The following SATB1 variants were observed in gnomAD, a reference collection of about 807,000 sequenced individuals.
SATB1 encodes DNA-binding protein SATB1.
SATB1 carries 11 observed loss-of-function variants against 86.9 expected under a neutral mutation model. The ratio of observed to expected loss-of-function variants is 0.13; its 90% CI spans 0.08 to 0.21. SATB1 has a LOEUF of 0.21. Among genes scored for constraint, SATB1 ranks in the 10% least tolerant of loss-of-function variants. The pLI is 1.00. For missense variants in SATB1, 551 were observed against 937.6 expected, an observed-to-expected ratio of 0.59 and a Z score of 5.39; for synonymous variants, 357 against 357.2, an observed-to-expected ratio of 1.00 and a Z score of 0.01.
intron 3 of SATB1, among the ~76,000 whole-genome samples, 159 bp from the exon 4 acceptor site, chr3:18,416,292 T>C (rs750640906): frequency 2.0e-5 from 3 of 152,056 alleles, no homozygotes; most frequent in Non-Finnish European, 2.9e-5. Flanking sequence ...TCAATGAAAA[T>C]ATTCACAGCT....
At chr3:18,375,905 C>T (rs558983206) in intron 9 of SATB1, among the ~76,000 whole-genome samples, 1 of 152,226 alleles carries the variant, frequency 6.6e-6, no homozygotes, top group East Asian at 1.9e-4. Flanking sequence ...TAATAGTTTG[C>T]TTGACTCCCA....
chr3:18,377,405 G>C (rs1559413742), intron 9 of SATB1, among the ~76,000 whole-genome samples: 1 of 151,994 alleles, frequency 6.6e-6, no homozygotes, highest in African/African-American at 2.4e-5. Flanking sequence ...TTTGGAGAAG[G>C]GTTTATAGAT....
Position 18,352,023 on chromosome 3 carries a change from T to A in SATB1, c.1748A>T (p.His583Leu). The A allele has an allele frequency of 3.7e-6, 6 of 1,614,224 alleles. No individual in the cohort carries two copies. Among genetic ancestry groups the A allele is most frequent in the Non-Finnish European group, 5.1e-6 (6 of 1,180,030 alleles). ...CTGCTCTGCTGGAACATGGATAATG[T>A]GGGGCGGCCTGTCGCCATGGTGATG... The part of the protein sequence containing the change: ...AVHHHGDRPP[H>L]IIHVPAEQIQ... The change falls in exon 10 of 11, where the codon CAC becomes CTC. Residue 583 changes from histidine to leucine, a missense_variant. By Grantham distance (99) the His-to-Leu change is moderately conservative. Around this residue, in one of 8 missense-constraint regions of SATB1, gnomAD observed 87 missense variants for 103.6 expected, o/e 0.84. Transcript: ENST00000338745. The surrounding 1 kb of genome is among the most constrained non-coding windows in gnomAD (Gnocchi z 4.1).
At chr3:18,409,863 C>T (rs1373169632) in intron 5 of SATB1, among the ~76,000 whole-genome samples, 1 of 152,014 alleles carries the variant, frequency 6.6e-6, no homozygotes, top group African/African-American at 2.4e-5. Context: ...TCGTAAAAGA[C>T]CAGTCTGATG....
At chr3:18,436,675 C>A (rs1699072740) in intron 2 of SATB1, 1 of 152,138 alleles carries the variant, frequency 6.6e-6, no homozygotes, top group Admixed American at 6.6e-5. Flanking sequence ...TTTAGCAATT[C>A]TTTAATGAGT....
chr3:18,363,918 G>A (rs1301890267), intron 9 of SATB1, among the ~76,000 whole-genome samples: 1 of 152,162 alleles, frequency 6.6e-6, no homozygotes, highest in African/African-American at 2.4e-5. Context: ...CTACAGCACT[G>A]CATGTGGGCA....
chr3:18,349,209 C>T lies in SATB1; in HGVS notation c.2253G>A (p.Val751=). The T allele has an allele frequency of 1.2e-6, 2 of 1,614,110 alleles. No individual in the cohort carries two copies. Among genetic ancestry groups the T allele is most frequent in the Non-Finnish European group, 1.7e-6 (2 of 1,180,024 alleles). The change falls in exon 11 of 11, where the codon GTG becomes GTA. Residue 751 remains valine, a synonymous_variant. Coordinates refer to ENST00000338745, the MANE Select transcript of SATB1 (RefSeq NM_002971.6). The surrounding 1 kb of genome is among the most constrained non-coding windows in gnomAD (Gnocchi z 5.5). ...CAGTATTAATGTCTGTGTTTCCTTCCACTGACAGCTCTTCTTCTAGTTTCA... is the reference window on the plus strand; with the variant it reads ...CAGTATTAATGTCTGTGTTTCCTTCTACTGACAGCTCTTCTTCTAGTTTCA... ...FSVKLEEELS[V]EGNTDINTDL...
intron 8 of SATB1, among the ~76,000 whole-genome samples, chr3:18,382,351 T>C (rs1014674418): frequency 4.6e-5 from 7 of 152,198 alleles, no homozygotes; most frequent in Non-Finnish European, 7.4e-5. Context: ...TCAGTAATTA[T>C]ATGCTTTCAA....
At chr3:18,436,273 C>T (rs187070420) in intron 2 of SATB1, among the ~76,000 whole-genome samples, 22 of 152,018 alleles carry the variant, frequency 1.4e-4, no homozygotes, top group East Asian at 7.7e-4. Context: ...TAGGAAAGAA[C>T]GCATAGAAGG....
Position 18,352,532 on chromosome 3 carries a change from T to C in SATB1, c.1576-337A>G, listed in dbSNP as rs1694419312. On this transcript the variant is annotated intron_variant, in intron 9 of 10. Transcript: ENST00000338745. This position sits in a 1 kb window ranked among gnomAD's most constrained non-coding sequence, Gnocchi z 4.1. ...GCTTCAGTCTTGCACAACTTTGCTA[T>C]CTGACGAGTGGCTGGCCATCTGAGG... The C allele has an allele frequency of 8.5e-6, 2 of 235,334 alleles. No homozygotes were observed. The highest frequency in any genetic ancestry group is 7.2e-5 in the South Asian group (1 of 13,920). 14.6% of individuals were successfully genotyped at this position (235,334 alleles called of 1,614,324 possible).
intron 2 of SATB1, chr3:18,417,509 T>C (rs1037327324): frequency 1.6e-6 from 1 of 606,260 alleles, no homozygotes; most frequent in Non-Finnish European, 2.9e-6. Flanking sequence ...ATTTTGTTAA[T>C]AATAAACTTT....
chr3:18,416,817 T>C lies in SATB1; in HGVS notation c.388+85A>G. The C allele has an allele frequency of 2.3e-6, 3 of 1,320,936 alleles. 1 individual carries two copies. The highest frequency in any genetic ancestry group is 2.9e-5 in the South Asian group (2 of 69,204). 81.8% of individuals were successfully genotyped at this position (1,320,936 alleles called of 1,614,324 possible). On this transcript the variant is annotated intron_variant, in intron 3 of 10. Coordinates refer to ENST00000338745, the MANE Select transcript of SATB1 (RefSeq NM_002971.6). ...AATGTAATACACAGGCTACAGTTCT[T>C]TGAATAAAAATATTCAGTGCTTTCT... is the stretch of plus-strand genomic sequence containing the variant.
chr3:18,445,260 C>G, intron 1 of SATB1: 1 of 983,188 alleles, frequency 1.0e-6, no homozygotes, highest in Non-Finnish European at 1.2e-6. Flanking sequence ...ACACTAGGCG[C>G]ACTGAAGCCC....
chr3:18,423,478 TG>T (rs1698492945), intron 1 of SATB1, 148 bp downstream of exon 1: 1 of 152,204 alleles, frequency 6.6e-6, no homozygotes, highest in African/African-American at 2.4e-5. Context: ...ATTTTAAGAT[TG>T]TGCCCTTATC....
At chr3:18,443,433 G>C (rs564589566), upstream of SATB1, among the ~76,000 whole-genome samples, 1 of 152,218 alleles carries the variant, frequency 6.6e-6, no homozygotes, top group Non-Finnish European at 1.5e-5. The surrounding 1 kb of genome is among the most constrained non-coding windows in gnomAD (Gnocchi z 4.4). Flanking sequence ...ATGCCACTGA[G>C]AAAGTTCGCC....
At chr3:18,355,175 A>C (rs1461535301) in intron 9 of SATB1, among the ~76,000 whole-genome samples, 1 of 151,976 alleles carries the variant, frequency 6.6e-6, no homozygotes, top group Non-Finnish European at 1.5e-5. Flanking sequence ...GGGGGAGGGG[A>C]TGCTTCTCTT....
At chr3:18,358,726 TA>T (rs1177642918) in intron 9 of SATB1, among the ~76,000 whole-genome samples, 1 of 152,038 alleles carries the variant, frequency 6.6e-6, no homozygotes, top group Non-Finnish European at 1.5e-5. Flanking sequence ...TGGTTTCTGA[TA>T]CTCATATTTG....
rs1436959691 is a variant in SATB1, at chr3:18,408,389, T to C, written c.639+6722A>G. Reference sequence around the variant, plus strand: ...TTCATGCAAGCATCCCAGGGTGCTTTACAATCATTATGAGTTAAAATTAAA... The same window carrying C: ...TTCATGCAAGCATCCCAGGGTGCTTCACAATCATTATGAGTTAAAATTAAA... On this transcript the variant is annotated intron_variant, in intron 5 of 10. Transcript: ENST00000338745. Among the ~76,000 whole-genome samples, 4 of 152,024 alleles carry C rather than the reference T, an allele frequency of 2.6e-5. No homozygotes were observed. In the South Asian group the frequency reaches 8.3e-4, roughly 31 times the overall value.
At chr3:18,398,722 A>T (rs553196532) in intron 5 of SATB1, among the ~76,000 whole-genome samples, 5 of 152,194 alleles carry the variant, frequency 3.3e-5, no homozygotes, top group East Asian at 1.9e-4. Flanking sequence ...AGGCACTGTG[A>T]TATCTTTTTT....
Sources: allele counts gnomAD v4.1 joint callset (sites outside exome capture counted in the v4.1 genomes callset), GRCh38; gene constraint gnomAD v4.1.1; regional missense constraint gnomAD v4.1.1; non-coding constraint Gnocchi (gnomAD v3.1); transcripts MANE v1.5; gene names NCBI Gene and HGNC (gene_info 2026-07-23, HGNC 2026-07-21).